Variants in BCAS3 observed in about 807,000 individuals in gnomAD.
The protein encoded by BCAS3 is BCAS4/BCAS3 fusion.
A neutral mutation model predicts 116.1 loss-of-function variants in BCAS3; 53 were observed. The observed-to-expected ratio is 0.46, with a 90% CI of 0.37 to 0.57. BCAS3 has a LOEUF of 0.57. Ranked by LOEUF, BCAS3 falls within the 20% of genes least tolerant of loss-of-function variation. BCAS3 has a pLI of 0.00. For synonymous variants in BCAS3, 391 were observed against 408.2 expected, an observed-to-expected ratio of 0.96 and a Z score of 0.51; for missense variants, 917 against 1,165.4, an observed-to-expected ratio of 0.79 and a Z score of 3.10.
chr17:61,274,128 G>A (rs985519154), intron 22 of BCAS3, among the ~76,000 whole-genome samples: 1 of 147,902 alleles, frequency 6.8e-6, no homozygotes, highest in Non-Finnish European at 1.5e-5. Context: ...CCCCACAACA[G>A]TCCCCGGTGT....
In BCAS3 at chr17:61,075,021, G is replaced by T. The variant is rs1239831577; in HGVS notation, c.2130+1G>T. The T allele has an allele frequency of 6.3e-7, 1 of 1,599,580 alleles. No homozygotes were observed. The highest frequency in any genetic ancestry group is 1.7e-5 in the Admixed American group (1 of 59,628). The stretch of plus-strand genomic sequence containing the variant: ...GGAAGATGAAGAATGGCTTTCCCAG[G>T]TAAAACTCTGAAATATTGAGAGTAT... On this transcript the variant is annotated splice_donor_variant, in intron 20 of 23. Coordinates refer to ENST00000407086, the MANE Select transcript of BCAS3 (RefSeq NM_017679.5). LOFTEE classifies it high-confidence loss of function.
chr17:61,369,983 G>A (rs564721942), intron 23 of BCAS3, among the ~76,000 whole-genome samples: 11 of 152,282 alleles, frequency 7.2e-5, no homozygotes, highest in South Asian at 2.1e-4. Context: ...AGGAGCTCCC[G>A]GGTGGCTCTT....
At chr17:61,206,215 G>A (rs568252382) in intron 22 of BCAS3, among the ~76,000 whole-genome samples, 4 of 152,258 alleles carry the variant, frequency 2.6e-5, no homozygotes, top group South Asian at 4.1e-4. Flanking sequence ...GATGTATGGG[G>A]TGAGTCATAA....
chr17:61,204,530 CA>C lies in BCAS3; in HGVS notation c.2425+119970del, dbSNP rs1444835519. On this transcript the variant is annotated intron_variant, in intron 22 of 23. Transcript: ENST00000407086. The surrounding 1 kb of genome is among the most constrained non-coding windows in gnomAD (Gnocchi z 4.2). The stretch of plus-strand genomic sequence containing the variant: ...GCTGAAATACCCATGTTAAAAATAA[CA>C]AAATGTGTTGTTGCTTCATCATTGT... 2.0e-5 allele frequency among the ~76,000 whole-genome samples: 3 copies of C among 152,040 alleles called. No homozygotes were observed. The highest frequency in any genetic ancestry group is 6.6e-5 in the Admixed American group (1 of 15,262).
At chr17:60,765,129 C>A (rs1035285769) in intron 6 of BCAS3, among the ~76,000 whole-genome samples, 1 of 152,120 alleles carries the variant, frequency 6.6e-6, no homozygotes, top group African/African-American at 2.4e-5. Context: ...ACTGATAGGT[C>A]TTGACTCTCT....
intron 11 of BCAS3, among the ~76,000 whole-genome samples, chr17:60,904,050 G>C (rs927682457): frequency 7.9e-5 from 12 of 152,164 alleles, no homozygotes; most frequent in Admixed American, 3.9e-4. Flanking sequence ...AAAAGAAAGT[G>C]ATCTTCATTC....
rs143870128 is a variant in BCAS3 at position 61,258,139 on chromosome 17, C to T, written c.2426-110188C>T. ...ACCTTTCAAGGTTTAGAGAAAATAG[C>T]GCTCTTCCTTGCAACCTTTCTGATT... On this transcript the variant is annotated intron_variant, in intron 22 of 23. Coordinates refer to ENST00000407086, the MANE Select transcript of BCAS3 (RefSeq NM_017679.5). The surrounding 1 kb of genome is among the most constrained non-coding windows in gnomAD (Gnocchi z 4.7). Among the ~76,000 whole-genome samples, 24 of 152,326 alleles carry T rather than the reference C, an allele frequency of 1.6e-4. 1 individual carries two copies. The East Asian group carries it at 3.9e-3, about 24-fold the overall frequency.
chr17:61,117,776 C>A (rs2075561916), intron 22 of BCAS3, among the ~76,000 whole-genome samples: 1 of 152,028 alleles, frequency 6.6e-6, no homozygotes, highest in African/African-American at 2.4e-5. Context: ...CCCTGCCACC[C>A]CCTACATGCA....
At chr17:60,911,123 C>CTTTTTTTTTTTTTTTTTTTTTTTTTT (rs1162942971) in intron 12 of BCAS3, among the ~76,000 whole-genome samples, 2 of 88,256 alleles carry the variant, frequency 2.3e-5, no homozygotes, top group Non-Finnish European at 4.0e-5. Context: ...TTTTTTCTTT[C>CTTTTTTTTTTTTTTTTTTTTTTTTTT]TTTTTTTTTT....
intron 13 of BCAS3, among the ~76,000 whole-genome samples, chr17:60,937,762 C>T (rs1199151290): frequency 6.6e-6 from 1 of 152,196 alleles, no homozygotes; most frequent in East Asian, 1.9e-4. Context: ...ACTATCCCTT[C>T]TGTCTACCAA....
chr17:60,977,491 T>TTTATTATTATTATTATTATTA (rs199534358), intron 14 of BCAS3, among the ~76,000 whole-genome samples: 1 of 149,610 alleles, frequency 6.7e-6, no homozygotes. Flanking sequence ...GCACTTTCTT[T>TTTATTATTATTATTATTATTA]TTATTATTAT....
At chr17:61,238,117 A>G (rs1416979029) in intron 22 of BCAS3, among the ~76,000 whole-genome samples, 1 of 152,142 alleles carries the variant, frequency 6.6e-6, no homozygotes, top group Non-Finnish European at 1.5e-5. Flanking sequence ...CAGAGGCACA[A>G]TCTTGGCTCA....
intron 6 of BCAS3, among the ~76,000 whole-genome samples, chr17:60,780,624 T>C (rs1205409252): frequency 1.3e-5 from 2 of 152,182 alleles, no homozygotes; most frequent in African/African-American, 4.8e-5. Context: ...TTTTGTCATG[T>C]TAGTACTTTA....
chr17:60,977,103 G>A (rs56855212), intron 14 of BCAS3, among the ~76,000 whole-genome samples: 5,237 of 151,928 alleles, frequency 0.034, 301 homozygotes, highest in African/African-American at 0.12. Context: ...CTGGCCGGGC[G>A]GGGGCTGCCC....
intron 22 of BCAS3, among the ~76,000 whole-genome samples, chr17:61,322,448 C>T (rs1278119056): frequency 1.3e-5 from 2 of 152,156 alleles, no homozygotes; most frequent in African/African-American, 2.4e-5. Context: ...AGGGTTACAC[C>T]CATCCCTCCA....
At chr17:61,238,308 C>T (rs1044702338) in intron 22 of BCAS3, among the ~76,000 whole-genome samples, 1 of 151,816 alleles carries the variant, frequency 6.6e-6, no homozygotes, top group African/African-American at 2.4e-5. Context: ...CTGCAACCTC[C>T]GCCTTCCAGT....
At position 60,918,269 on chromosome 17, in the gene BCAS3, C is replaced by A. The variant is rs2058878347; in HGVS notation, c.994-6138C>A. ...CCTAAGGAATAGTGATGTTAAGCCTCTTCTCATTTGCTTATTGGCCATTTG... is the reference window on the plus strand; with the variant it reads ...CCTAAGGAATAGTGATGTTAAGCCTATTCTCATTTGCTTATTGGCCATTTG... On this transcript the variant is annotated intron_variant, in intron 12 of 23. Transcript: ENST00000407086. 2.6e-5 allele frequency among the ~76,000 whole-genome samples: 4 copies of A among 152,118 alleles called. No individual in the cohort carries two copies. In the South Asian group the frequency reaches 8.3e-4, roughly 32 times the overall value.
chr17:61,200,224 G>A lies in BCAS3; in HGVS notation c.2425+115660G>A, dbSNP rs1281043648. On this transcript the variant is annotated intron_variant, in intron 22 of 23. Coordinates refer to ENST00000407086, the MANE Select transcript of BCAS3 (RefSeq NM_017679.5). This position sits in a 1 kb window ranked among gnomAD's most constrained non-coding sequence, Gnocchi z 5.1. ...TAAAGTTTTTATTCAGGTCCCAAAGGCAGCTTGCTTGAGACATCAGAAGGA... is the reference window on the plus strand; with the variant it reads ...TAAAGTTTTTATTCAGGTCCCAAAGACAGCTTGCTTGAGACATCAGAAGGA... Among the ~76,000 whole-genome samples, 1 of 152,138 alleles carries A rather than the reference G, an allele frequency of 6.6e-6. No individual in the cohort carries two copies. The highest frequency in any genetic ancestry group is 1.5e-5 in the Non-Finnish European group (1 of 68,024).
chr17:61,103,068 T>C (rs1428087585), intron 22 of BCAS3, among the ~76,000 whole-genome samples: 1 of 152,162 alleles, frequency 6.6e-6, no homozygotes, highest in African/African-American at 2.4e-5. Flanking sequence ...TATAATGTGC[T>C]TTGGTATGAA....
Sources: gnomAD v4.1 joint callset for allele counts (sites outside exome capture counted in the v4.1 genomes callset) on GRCh38, gnomAD v4.1.1 for gene constraint, Gnocchi (gnomAD v3.1) non-coding constraint, MANE v1.5 for transcripts, NCBI Gene and HGNC (gene_info 2026-07-23, HGNC 2026-07-21) for gene names.